Variants in TLL1 observed in about 807,000 individuals in gnomAD.
The protein encoded by TLL1 is tolloid like 1.
TLL1 carries 49 observed loss-of-function variants against 128.2 expected under a neutral mutation model. The observed-to-expected ratio is 0.38, with a 90% CI of 0.30 to 0.48. The LOEUF is 0.48. Among genes scored for constraint, TLL1 ranks in the 20% least tolerant of loss-of-function variants. The pLI, the probability that TLL1 is intolerant of heterozygous loss-of-function variation, is 0.96. For missense variants in TLL1, 1,123 were observed against 1,242.0 expected, an observed-to-expected ratio of 0.90 and a Z score of 1.44; for synonymous variants, 454 against 418.8, an observed-to-expected ratio of 1.08 and a Z score of -1.03.
intron 12 of TLL1, chr4:166,044,236 G>C: frequency 1.5e-6 from 1 of 686,160 alleles, no homozygotes. Flanking sequence ...TTACTGATTG[G>C]AAGACTAATT....
intron 18 of TLL1, among the ~76,000 whole-genome samples, chr4:166,086,810 T>C (rs1156577288): frequency 6.6e-6 from 1 of 152,142 alleles, no homozygotes; most frequent in Non-Finnish European, 1.5e-5. Context: ...GAAGAATAAA[T>C]TTGTGTTGTT....
chr4:166,085,002 G>T (rs1471114799), intron 18 of TLL1, among the ~76,000 whole-genome samples: 2 of 151,362 alleles, frequency 1.3e-5, no homozygotes, highest in Non-Finnish European at 2.9e-5. Flanking sequence ...CCACTTACTG[G>T]GTTAAATTTA....
intron 1 of TLL1, among the ~76,000 whole-genome samples, chr4:165,949,341 A>G (rs1579528024): frequency 6.6e-6 from 1 of 152,246 alleles, no homozygotes; most frequent in East Asian, 1.9e-4. Flanking sequence ...CCTTCACAAA[A>G]AAATGTAGCC....
intron 1 of TLL1, among the ~76,000 whole-genome samples, chr4:165,980,330 G>A (rs776929457): frequency 2.0e-5 from 3 of 152,074 alleles, no homozygotes; most frequent in Non-Finnish European, 2.9e-5. Context: ...CCAAGTTTCT[G>A]ACTCTGCAAG....
chr4:166,099,956 C>T (rs920314025), intron 20 of TLL1, among the ~76,000 whole-genome samples: 4 of 152,056 alleles, frequency 2.6e-5, no homozygotes, highest in African/African-American at 9.7e-5. Flanking sequence ...TATTTGGAGG[C>T]GGTGGCAGGG....
chr4:166,054,525 A>C, intron 12 of TLL1, among the ~76,000 whole-genome samples: 1 of 150,220 alleles, frequency 6.7e-6, no homozygotes, highest in East Asian at 2.0e-4. Context: ...CTAACTCGTC[A>C]TCTAGCATTA....
At chr4:165,931,544 C>T (rs183813633) in intron 1 of TLL1, among the ~76,000 whole-genome samples, 9 of 151,614 alleles carry the variant, frequency 5.9e-5, no homozygotes, top group East Asian at 3.9e-4. Flanking sequence ...GGTGAAACCC[C>T]GTCTCTACTA....
chr4:166,043,614 CAAG>C (rs1693158949), intron 12 of TLL1, among the ~76,000 whole-genome samples, 195 bp downstream of exon 12: 2 of 152,106 alleles, frequency 1.3e-5, no homozygotes, highest in South Asian at 4.2e-4. Context: ...GAGACGTTTT[CAAG>C]AAGATTAAAG....
chr4:165,939,299 G>A (rs986875371), intron 1 of TLL1, among the ~76,000 whole-genome samples: 2 of 152,162 alleles, frequency 1.3e-5, no homozygotes, highest in South Asian at 2.1e-4. Flanking sequence ...TATGGGGCAG[G>A]AAAAGGGGGC....
chr4:166,054,818 A>G (rs1739926643), intron 12 of TLL1, among the ~76,000 whole-genome samples: 3 of 151,954 alleles, frequency 2.0e-5, no homozygotes, highest in East Asian at 3.9e-4. Flanking sequence ...TTAAAAGACA[A>G]CTAATTTCTG....
intron 1 of TLL1, among the ~76,000 whole-genome samples, chr4:165,931,718 C>CAAAAAAAA (rs761214388): frequency 1.5e-5 from 2 of 133,544 alleles, no homozygotes; most frequent in African/African-American, 2.8e-5. Context: ...GACTCTGTCT[C>CAAAAAAAA]AAAAGAAAAA....
chr4:165,913,642 C>T (rs900375264), intron 1 of TLL1, among the ~76,000 whole-genome samples: 1 of 152,158 alleles, frequency 6.6e-6, no homozygotes, highest in Non-Finnish European at 1.5e-5. Flanking sequence ...GCCATTTAAA[C>T]TGAGATACTA....
chr4:165,916,812 C>T (rs1160331999), intron 1 of TLL1, among the ~76,000 whole-genome samples: 7 of 151,864 alleles, frequency 4.6e-5, no homozygotes, highest in Admixed American at 2.6e-4. Context: ...CTATACATTC[C>T]GATTTTAGCA....
chr4:166,096,861 A>G (rs1040693379), intron 19 of TLL1, among the ~76,000 whole-genome samples: 1 of 152,052 alleles, frequency 6.6e-6, no homozygotes. Context: ...CAAAAATAGA[A>G]TTTTTCCTTT....
rs1197719514 is a variant in TLL1 at position 166,102,629 on chromosome 4, A to C, written c.*1753A>C. The stretch of plus-strand genomic sequence containing the variant: ...TTGTGTCTGTTACCTGTCCATGAGC[A>C]TACAACATTGAATACAATTGGGTGT... On this transcript the variant is annotated 3_prime_UTR_variant, in exon 21 of 21. Coordinates refer to ENST00000061240, the MANE Select transcript of TLL1 (RefSeq NM_012464.5). The C allele has an allele frequency of 1.3e-5, 2 of 152,132 alleles. No individual in the cohort carries two copies. The highest frequency in any genetic ancestry group is 2.4e-5 in the African/African-American group (1 of 41,444). 9.4% of individuals were successfully genotyped at this position (152,132 alleles called of 1,614,324 possible).
At chr4:165,913,843 A>C (rs1343186738) in intron 1 of TLL1, among the ~76,000 whole-genome samples, 5 of 152,140 alleles carry the variant, frequency 3.3e-5, no homozygotes, top group South Asian at 4.2e-4. Context: ...GTGCAACCCT[A>C]TCTCTACAAA....
intron 2 of TLL1, among the ~76,000 whole-genome samples, chr4:165,990,116 G>A (rs1736569282): frequency 6.6e-6 from 1 of 151,778 alleles, no homozygotes; most frequent in Admixed American, 6.6e-5. Context: ...ATGCCTGTAA[G>A]AAACTTGATA....
chr4:165,945,440 A>G (rs1247340777), intron 1 of TLL1, among the ~76,000 whole-genome samples: 4 of 152,106 alleles, frequency 2.6e-5, no homozygotes, highest in Admixed American at 2.6e-4. Context: ...TAGAGAGAGA[A>G]TGGTTGGTGA....
At chr4:165,992,416 G>A (rs1371828605) in intron 2 of TLL1, among the ~76,000 whole-genome samples, 1 of 151,946 alleles carries the variant, frequency 6.6e-6, no homozygotes, top group Non-Finnish European at 1.5e-5. Context: ...TTTGGCCTCC[G>A]AAAATATTCA....
Sources: gnomAD v4.1 joint callset for allele counts (sites outside exome capture counted in the v4.1 genomes callset) on GRCh38, gnomAD v4.1.1 for gene constraint, MANE v1.5 for transcripts, NCBI Gene and HGNC (gene_info 2026-07-23, HGNC 2026-07-21) for gene names.